The following GRIN2A variants were observed in gnomAD, a reference collection of about 807,000 sequenced individuals.
GRIN2A encodes glutamate receptor ionotropic, NMDA 2A.
Under a neutral mutation model 113.4 loss-of-function variants are expected in GRIN2A, and 22 were observed. The observed-to-expected ratio is 0.19, with a 90% CI of 0.14 to 0.28. GRIN2A has a LOEUF of 0.28. Ranked by LOEUF, GRIN2A falls within the 10% of genes least tolerant of loss-of-function variation. GRIN2A has a pLI of 1.00. For synonymous variants in GRIN2A, 827 were observed against 738.4 expected, an observed-to-expected ratio of 1.12 and a Z score of -1.94; for missense variants, 1,502 against 1,887.0, an observed-to-expected ratio of 0.80 and a Z score of 3.78.
At chr16:9,963,393 G>A (rs577311271) in intron 2 of GRIN2A, among the ~76,000 whole-genome samples, 17 of 151,878 alleles carry the variant, frequency 1.1e-4, no homozygotes, top group South Asian at 2.1e-4. Context: ...TTTAAGCCCC[G>A]CATGCATTAG....
At chr16:9,907,983 G>T (rs1282102209) in intron 3 of GRIN2A, among the ~76,000 whole-genome samples, 1 of 152,202 alleles carries the variant, frequency 6.6e-6, no homozygotes, top group Admixed American at 6.5e-5. Flanking sequence ...TTTGCTGAAT[G>T]AGCAGGAGCA....
intron 10 of GRIN2A, among the ~76,000 whole-genome samples, chr16:9,801,896 G>A (rs1343431951): frequency 6.6e-6 from 1 of 152,184 alleles, no homozygotes; most frequent in Non-Finnish European, 1.5e-5. Flanking sequence ...AGGGCCACAT[G>A]AACTGGTTTC....
intron 2 of GRIN2A, among the ~76,000 whole-genome samples, chr16:10,051,622 G>A (rs74007906): frequency 0.015 from 2,270 of 152,338 alleles, 68 homozygotes; most frequent in African/African-American, 0.052. Context: ...TGGACCATTC[G>A]AATTGAATAT....
intron 2 of GRIN2A, among the ~76,000 whole-genome samples, chr16:9,997,752 G>T (rs1195643296): frequency 6.6e-6 from 1 of 152,158 alleles, no homozygotes; most frequent in Non-Finnish European, 1.5e-5. Flanking sequence ...ATGGAGGTGG[G>T]TTTTTCCTGT....
chr16:9,888,275 G>A (rs1369579324), intron 4 of GRIN2A, among the ~76,000 whole-genome samples: 1 of 152,158 alleles, frequency 6.6e-6, no homozygotes, highest in African/African-American at 2.4e-5. Flanking sequence ...CTTTAGATGA[G>A]CAAAAGTTTT....
chr16:9,891,408 T>G (rs1372696071), intron 3 of GRIN2A, among the ~76,000 whole-genome samples: 1 of 152,162 alleles, frequency 6.6e-6, no homozygotes, highest in African/African-American at 2.4e-5. Flanking sequence ...CTAACAAACT[T>G]CCCTGAAGGA....
intron 10 of GRIN2A, among the ~76,000 whole-genome samples, chr16:9,815,413 C>CAAAAAAAAAAA (rs71157786): frequency 8.9e-6 from 1 of 111,898 alleles, no homozygotes; most frequent in East Asian, 3.1e-4. Flanking sequence ...TAACAACAAC[C>CAAAAAAAAAAA]AAAAAAAAAA....
chr16:10,131,086 G>C (rs1232398338), intron 2 of GRIN2A, among the ~76,000 whole-genome samples: 1 of 152,236 alleles, frequency 6.6e-6, no homozygotes, highest in Non-Finnish European at 1.5e-5. Context: ...ACATCCACAA[G>C]ATTTCAAGAG....
chr16:9,834,970 T>C (rs990449557), intron 7 of GRIN2A, among the ~76,000 whole-genome samples: 1 of 152,168 alleles, frequency 6.6e-6, no homozygotes, highest in African/African-American at 2.4e-5. Flanking sequence ...CAAATTGTTA[T>C]GGTTTTTATT....
chr16:9,961,018 T>G (rs1222159799), intron 2 of GRIN2A, among the ~76,000 whole-genome samples: 2 of 152,226 alleles, frequency 1.3e-5, no homozygotes, highest in Admixed American at 1.3e-4. Context: ...GTCATTTACG[T>G]GCAATTTAAT....
intron 2 of GRIN2A, 105 bp downstream of exon 2, chr16:10,179,893 C>CCCCAAACAAAA: frequency 1.7e-5 from 12 of 719,800 alleles, no homozygotes; most frequent in East Asian, 7.2e-5. Context: ...CCCCCACCCC[C>CCCCAAACAAAA]ACTTCACATC....
intron 3 of GRIN2A, among the ~76,000 whole-genome samples, chr16:9,891,305 C>G (rs980520826): frequency 6.6e-6 from 1 of 152,130 alleles, no homozygotes; most frequent in South Asian, 2.1e-4. Context: ...GTAATTAACA[C>G]GTGGAATGTA....
intron 8 of GRIN2A, among the ~76,000 whole-genome samples, chr16:9,832,044 G>A (rs1413793086): frequency 6.6e-6 from 1 of 151,842 alleles, no homozygotes; most frequent in Non-Finnish European, 1.5e-5. Context: ...TCAGCCTTCT[G>A]AGTAGCCGGG....
At chr16:9,783,265 A>AC (rs765415029) in intron 11 of GRIN2A, among the ~76,000 whole-genome samples, 6 of 152,014 alleles carry the variant, frequency 3.9e-5, no homozygotes, top group Non-Finnish European at 7.4e-5. Context: ...TTCACATGAG[A>AC]CCCCGTCTAC....
At chr16:10,066,128 C>A (rs573740345) in intron 2 of GRIN2A, among the ~76,000 whole-genome samples, 1 of 152,188 alleles carries the variant, frequency 6.6e-6, no homozygotes, top group Admixed American at 6.5e-5. Flanking sequence ...AGAAAGCAGA[C>A]GATGCTCTTC....
At chr16:10,006,380 A>T (rs1042824807) in intron 2 of GRIN2A, among the ~76,000 whole-genome samples, 1 of 152,202 alleles carries the variant, frequency 6.6e-6, no homozygotes, top group African/African-American at 2.4e-5. Flanking sequence ...GGGCCATGAG[A>T]TAGAGAGTGC....
chr16:10,175,314 A>T (rs993578988), intron 2 of GRIN2A, among the ~76,000 whole-genome samples: 1 of 152,246 alleles, frequency 6.6e-6, no homozygotes, highest in Non-Finnish European at 1.5e-5. Flanking sequence ...GGAAAGAAAG[A>T]ATCCAACAGA....
At chr16:9,806,427 A>AT (rs36005383) in intron 10 of GRIN2A, among the ~76,000 whole-genome samples, 29 of 151,938 alleles carry the variant, frequency 1.9e-4, no homozygotes, top group Admixed American at 1.0e-3. Flanking sequence ...TGTGTGGCTT[A>AT]TTTTTTTTAC....
At chr16:10,172,246 T>C (rs908290048) in intron 2 of GRIN2A, among the ~76,000 whole-genome samples, 1 of 152,236 alleles carries the variant, frequency 6.6e-6, no homozygotes, top group Non-Finnish European at 1.5e-5. Context: ...TCAGACTCTT[T>C]GTCCAAGGTT....
Sources: gnomAD v4.1 joint callset for allele counts (sites outside exome capture counted in the v4.1 genomes callset) on GRCh38, gnomAD v4.1.1 for gene constraint, MANE v1.5 for transcripts, NCBI Gene and HGNC (gene_info 2026-07-23, HGNC 2026-07-21) for gene names.